Variants in HORMAD2 observed in about 807,000 individuals in gnomAD.
HORMAD2 encodes HORMA domain-containing protein 2.
Under a neutral mutation model 38.8 loss-of-function variants are expected in HORMAD2, and 45 were observed. The observed-to-expected ratio is 1.16, with a 90% CI of 0.91 to 1.49. HORMAD2 has a LOEUF of 1.49. HORMAD2 is among the 40% of genes most tolerant of loss of function. The probability of loss-of-function intolerance (pLI) is 0.00; values close to 1 mark genes in which losing one functional copy is unlikely to be tolerated. For missense variants in HORMAD2, 338 were observed against 367.0 expected (o/e 0.92, Z 0.65); for synonymous variants, 126 against 122.8 (o/e 1.03, Z -0.17).
chr22:30,158,401 AGGATTATT>A (rs1569115161), intron 10 of HORMAD2, among the ~76,000 whole-genome samples: 1 of 152,234 alleles, frequency 6.6e-6, no homozygotes, highest in Non-Finnish European at 1.5e-5. Context: ...CTTCCTAATC[AGGATTATT>A]AAAACCAGGA....
intron 10 of HORMAD2, among the ~76,000 whole-genome samples, chr22:30,172,702 A>G (rs1308907629): frequency 1.3e-5 from 2 of 152,158 alleles, no homozygotes; most frequent in Admixed American, 1.3e-4. Flanking sequence ...AGCCTGGCCA[A>G]TATGGTAAAA....
chr22:30,113,112 C>A (rs1035880089), intron 7 of HORMAD2, among the ~76,000 whole-genome samples: 3 of 152,066 alleles, frequency 2.0e-5, no homozygotes, highest in Admixed American at 2.0e-4. Context: ...TATATGTAAA[C>A]CTCTTTGGCT....
At chr22:30,098,797 T>C in intron 2 of HORMAD2, 55 bp from the exon 3 acceptor site, 1 of 1,487,886 alleles carries the variant, frequency 6.7e-7, no homozygotes, top group African/African-American at 1.4e-5. Flanking sequence ...AATGATGTGC[T>C]AAACTGAATA....
chr22:30,178,168 A>G (rs1436168508), downstream of HORMAD2, among the ~76,000 whole-genome samples: 1 of 152,188 alleles, frequency 6.6e-6, no homozygotes, highest in African/African-American at 2.4e-5. Flanking sequence ...AAAAGGAACT[A>G]TTTTGCTTCA....
the HORMAD2 span, among the ~76,000 whole-genome samples, chr22:30,185,831 A>T: frequency 6.6e-6 from 1 of 152,040 alleles, no homozygotes; most frequent in East Asian, 1.9e-4. Flanking sequence ...CTCTGCTGTA[A>T]GCTTTTCAGC....
chr22:30,125,152 A>T (rs1922743614), intron 10 of HORMAD2, among the ~76,000 whole-genome samples: 3 of 123,756 alleles, frequency 2.4e-5, no homozygotes, highest in African/African-American at 3.1e-5. Flanking sequence ...ATTCTTTTTC[A>T]CTCATTTATG....
the HORMAD2 span, among the ~76,000 whole-genome samples, chr22:30,207,349 A>G: frequency 2.0e-5 from 3 of 152,158 alleles, no homozygotes; most frequent in Non-Finnish European, 4.4e-5. Flanking sequence ...GCTCCTATGA[A>G]GGGCAAGAAA....
the HORMAD2 span, among the ~76,000 whole-genome samples, chr22:30,185,147 C>G: frequency 6.6e-6 from 1 of 152,102 alleles, no homozygotes; most frequent in South Asian, 2.1e-4. Context: ...TGCCTGGGCT[C>G]TGGGATAGTT....
intron 10 of HORMAD2, among the ~76,000 whole-genome samples, chr22:30,160,047 C>T (rs1279008848): frequency 6.6e-6 from 1 of 152,090 alleles, no homozygotes; most frequent in Non-Finnish European, 1.5e-5. Flanking sequence ...TTACAGCCTA[C>T]TGCTTGTACC....
the HORMAD2 span, among the ~76,000 whole-genome samples, chr22:30,200,966 T>C: frequency 6.6e-6 from 1 of 152,060 alleles, no homozygotes; most frequent in Non-Finnish European, 1.5e-5. Context: ...ACCAGGCTGA[T>C]CTCGAACTCC....
At chr22:30,144,591 C>G (rs1287622944) in intron 10 of HORMAD2, among the ~76,000 whole-genome samples, 1 of 152,182 alleles carries the variant, frequency 6.6e-6, no homozygotes, top group East Asian at 1.9e-4. Flanking sequence ...GTGCTTATCT[C>G]TCAGTGACAT....
rs534969600 is a variant in HORMAD2, at chr22:30,164,860, A to G, written c.820-11203A>G. On this transcript the variant is annotated intron_variant, in intron 10 of 10. Coordinates refer to ENST00000336726, the MANE Select transcript of HORMAD2 (RefSeq NM_152510.4). ...CATACATTTTGGACATTAACCCATTATTAGATAAATGATTTGCAAATATTT... is the reference window on the plus strand; with the variant it reads ...CATACATTTTGGACATTAACCCATTGTTAGATAAATGATTTGCAAATATTT... Among the ~76,000 whole-genome samples, 355 of 152,312 alleles carry G rather than the reference A, an allele frequency of 2.3e-3. 6 individuals are homozygous for G. Among genetic ancestry groups the G allele is most frequent in the African/African-American group, 8.2e-3 (340 of 41,570 alleles).
intron 10 of HORMAD2, chr22:30,137,109 G>T: frequency 2.6e-6 from 1 of 383,502 alleles, no homozygotes; most frequent in Non-Finnish European, 4.9e-6. Context: ...TTAAATCATG[G>T]TCTGCTATTT....
intron 10 of HORMAD2, among the ~76,000 whole-genome samples, chr22:30,125,216 CTT>C (rs1167990121): frequency 4.4e-4 from 19 of 43,480 alleles, no homozygotes; most frequent in Admixed American, 6.6e-4. Flanking sequence ...TTTTTCTTTT[CTT>C]TTTTTTTTTT....
intron 7 of HORMAD2, among the ~76,000 whole-genome samples, chr22:30,115,935 C>G (rs777398712): frequency 6.6e-6 from 1 of 152,146 alleles, no homozygotes; most frequent in Admixed American, 6.5e-5. Context: ...TGGCATGTGA[C>G]AGGCCAAATA....
chr22:30,100,755 A>G (rs921913075), intron 3 of HORMAD2, among the ~76,000 whole-genome samples: 1 of 152,214 alleles, frequency 6.6e-6, no homozygotes, highest in Non-Finnish European at 1.5e-5. Flanking sequence ...AAACAACCCC[A>G]TCAAAAAGTG....
chr22:30,173,643 C>T (rs935118087), intron 10 of HORMAD2, among the ~76,000 whole-genome samples: 1 of 152,140 alleles, frequency 6.6e-6, no homozygotes, highest in Non-Finnish European at 1.5e-5. Flanking sequence ...GACTTTTAGT[C>T]GGCAGTTGGA....
chr22:30,079,340 T>G (rs1462831120), upstream of HORMAD2, among the ~76,000 whole-genome samples: 1 of 152,048 alleles, frequency 6.6e-6, no homozygotes, highest in African/African-American at 2.4e-5. Context: ...AAACTGAGAT[T>G]AGGGGTAGGG....
intron 10 of HORMAD2, among the ~76,000 whole-genome samples, chr22:30,168,224 C>A (rs551698808): frequency 2.0e-5 from 3 of 152,298 alleles, no homozygotes; most frequent in Admixed American, 1.3e-4. Context: ...CCTTTCTAAG[C>A]AGATGACCTA....
Sources: allele counts gnomAD v4.1 joint callset (sites outside exome capture counted in the v4.1 genomes callset), GRCh38; gene constraint gnomAD v4.1.1; transcripts MANE v1.5; gene names NCBI Gene and HGNC (gene_info 2026-07-23, HGNC 2026-07-21).